The following CDKAL1 variants were observed in gnomAD, a reference collection of about 807,000 sequenced individuals.
CDKAL1 encodes the protein threonylcarbamoyladenosine tRNA methylthiotransferase.
CDKAL1 carries 32 observed loss-of-function variants against 68.2 expected under a neutral mutation model. The observed-to-expected ratio is 0.47, with a 90% confidence interval of 0.35 to 0.63. The LOEUF (loss-of-function observed/expected upper bound fraction) is 0.63. Among genes scored for constraint, CDKAL1 ranks in the 30% least tolerant of loss-of-function variants. The pLI, the probability that CDKAL1 is intolerant of heterozygous loss-of-function variation, is 0.00. For missense variants in CDKAL1, 606 were observed against 696.7 expected, an observed-to-expected ratio of 0.87 and a Z score of 1.47; for synonymous variants, 234 against 244.3, an observed-to-expected ratio of 0.96 and a Z score of 0.39.
At chr6:20,681,041 A>G (rs887977296) in intron 5 of CDKAL1, among the ~76,000 whole-genome samples, 3 of 152,208 alleles carry the variant, frequency 2.0e-5, no homozygotes, top group South Asian at 2.1e-4. Context: ...GAAAACACAG[A>G]TGAGGAAGGA....
intron 9 of CDKAL1, among the ~76,000 whole-genome samples, chr6:20,918,263 T>C (rs1233742034): frequency 6.6e-6 from 1 of 152,242 alleles, no homozygotes; most frequent in East Asian, 1.9e-4. Context: ...AACAGAATTG[T>C]AAGCAATAAA....
intron 8 of CDKAL1, among the ~76,000 whole-genome samples, chr6:20,829,541 C>A (rs9356755): frequency 0.4 from 61,281 of 152,102 alleles, 12,648 homozygotes; most frequent in Non-Finnish European, 0.44. Context: ...AGGCATTACC[C>A]TTCACCTTAG....
At chr6:20,980,618 A>C (rs113412664) in intron 10 of CDKAL1, among the ~76,000 whole-genome samples, 351 of 152,318 alleles carry the variant, frequency 2.3e-3, no homozygotes, top group African/African-American at 7.9e-3. Context: ...TAAATATTAA[A>C]ATTGTTTGAA....
At chr6:20,727,647 A>G (rs1184097242) in intron 5 of CDKAL1, among the ~76,000 whole-genome samples, 2 of 152,220 alleles carry the variant, frequency 1.3e-5, no homozygotes, top group Non-Finnish European at 2.9e-5. Context: ...AGACACCTTT[A>G]CAAATGGAAC....
chr6:20,653,267 C>T (rs897641127), intron 5 of CDKAL1, among the ~76,000 whole-genome samples: 2 of 152,092 alleles, frequency 1.3e-5, no homozygotes, highest in African/African-American at 4.8e-5. Context: ...TATCTGTGTA[C>T]ATTCAAACTT....
chr6:20,822,379 A>T (rs1777321829), intron 8 of CDKAL1, among the ~76,000 whole-genome samples: 1 of 152,178 alleles, frequency 6.6e-6, no homozygotes, highest in Non-Finnish European at 1.5e-5. Context: ...CAATTAATCA[A>T]GTTGAAGTAT....
At chr6:20,694,774 G>A (rs1206493361) in intron 5 of CDKAL1, among the ~76,000 whole-genome samples, 1 of 152,174 alleles carries the variant, frequency 6.6e-6, no homozygotes, top group African/African-American at 2.4e-5. Flanking sequence ...TTGAAATTTG[G>A]TTCCTAATGT....
At chr6:21,204,461 C>A (rs6921652) in intron 15 of CDKAL1, among the ~76,000 whole-genome samples, 41,814 of 151,898 alleles carry the variant, frequency 0.28, 6,427 homozygotes, top group African/African-American at 0.41. Flanking sequence ...AAACATAATC[C>A]CAATATATTG....
intron 8 of CDKAL1, among the ~76,000 whole-genome samples, chr6:20,799,587 A>G (rs1160855111): frequency 6.6e-6 from 1 of 152,216 alleles, no homozygotes; most frequent in Non-Finnish European, 1.5e-5. Flanking sequence ...ATTTTCCATT[A>G]GAGGAAATAC....
In CDKAL1 at chr6:21,201,270, C is replaced by G. The variant is rs760812711; in HGVS notation, c.1544C>G (p.Thr515Arg). 1.2e-6 allele frequency: 2 copies of G among 1,603,766 alleles called. No individual in the cohort carries two copies. Among genetic ancestry groups the G allele is most frequent in the Non-Finnish European group, 8.5e-7 (1 of 1,171,706 alleles). Residue 515 changes from threonine (T) to arginine (R), a missense_variant, in exon 15 of 16, where the codon ACA becomes AGA. Physicochemically the swap from Thr to Arg is moderately conservative, Grantham distance 71. Coordinates refer to ENST00000274695, the MANE Select transcript of CDKAL1 (RefSeq NM_017774.3). The stretch of plus-strand genomic sequence containing the variant: ...GCAAAGGGAGAAGTCTCGGGTTTGA[C>G]AAAGGTAAGTAAAAGATGCTCTCCT... Reference protein sequence around the residue: ...PLAKGEVSGLTKDFRNGLGNQ... With the variant: ...PLAKGEVSGLRKDFRNGLGNQ...
intron 4 of CDKAL1, among the ~76,000 whole-genome samples, chr6:20,600,791 C>CATATATATATATATATATATAT (rs1336889610): frequency 5.2e-5 from 4 of 77,244 alleles, no homozygotes; most frequent in African/African-American, 7.9e-5. Context: ...TATATATACA[C>CATATATATATATATATATATAT]ACACACACAT....
chr6:21,074,255 T>G (rs1032957840), intron 12 of CDKAL1, among the ~76,000 whole-genome samples: 44 of 152,334 alleles, frequency 2.9e-4, no homozygotes, highest in African/African-American at 9.6e-4. Context: ...TTTCTTGGCC[T>G]GCAGCTGCAT....
chr6:20,869,088 A>G (rs919266283), intron 9 of CDKAL1, among the ~76,000 whole-genome samples: 8 of 152,182 alleles, frequency 5.3e-5, no homozygotes, highest in Non-Finnish European at 1.0e-4. Context: ...TCTGGGCTAC[A>G]TTGACTTTGA....
At chr6:20,784,573 T>G (rs1236061540) in intron 8 of CDKAL1, among the ~76,000 whole-genome samples, 1 of 151,652 alleles carries the variant, frequency 6.6e-6, no homozygotes, top group South Asian at 2.1e-4. Flanking sequence ...TATAGGCGTG[T>G]GCCACCACAC....
intron 9 of CDKAL1, among the ~76,000 whole-genome samples, chr6:20,880,564 C>T (rs1760760331): frequency 6.6e-6 from 1 of 152,068 alleles, no homozygotes; most frequent in African/African-American, 2.4e-5. Flanking sequence ...CAAGAAACTA[C>T]ATTCTTTAAG....
At chr6:21,071,424 C>T (rs1369356753) in intron 12 of CDKAL1, among the ~76,000 whole-genome samples, 4 of 152,138 alleles carry the variant, frequency 2.6e-5, no homozygotes, top group East Asian at 3.9e-4. Flanking sequence ...CCCAGCCATG[C>T]GGAACTGTGA....
At chr6:20,696,804 C>T (rs1281114550) in intron 5 of CDKAL1, among the ~76,000 whole-genome samples, 2 of 152,172 alleles carry the variant, frequency 1.3e-5, no homozygotes, top group Non-Finnish European at 2.9e-5. Flanking sequence ...GTTTGCTGCT[C>T]ATTTCTTTCC....
intron 11 of CDKAL1, among the ~76,000 whole-genome samples, chr6:21,042,523 C>T (rs762641755): frequency 1.3e-5 from 2 of 152,134 alleles, no homozygotes; most frequent in Non-Finnish European, 2.9e-5. Flanking sequence ...ATCATATTCA[C>T]TCCCTTTTTA....
intron 5 of CDKAL1, among the ~76,000 whole-genome samples, chr6:20,728,848 T>TTTTTC (rs1561722758): frequency 6.6e-6 from 1 of 152,210 alleles, no homozygotes; most frequent in Non-Finnish European, 1.5e-5. Flanking sequence ...TGCTTACTCT[T>TTTTTC]TTTTCTTTTC....
Sources: gnomAD v4.1 joint callset for allele counts (sites outside exome capture counted in the v4.1 genomes callset) on GRCh38, gnomAD v4.1.1 for gene constraint, MANE v1.5 for transcripts, NCBI Gene and HGNC (gene_info 2026-07-23, HGNC 2026-07-21) for gene names.